MYL1: variants seen among roughly 807,000 people sequenced by gnomAD.
MYL1 encodes myosin light chain 1.
A neutral mutation model predicts 21.8 loss-of-function variants in MYL1; 16 were observed. That is an observed-to-expected ratio of 0.74 (90% confidence interval 0.50 to 1.12). The LOEUF is 1.12. Among genes scored for constraint, MYL1 ranks in the 50% most tolerant of loss-of-function variants. The probability of loss-of-function intolerance (pLI) is 0.00; values close to 1 mark genes in which losing one functional copy is unlikely to be tolerated. For synonymous variants in MYL1, 99 were observed against 85.2 expected, an observed-to-expected ratio of 1.16 and a Z score of -0.89; for missense variants, 246 against 241.0, an observed-to-expected ratio of 1.02 and a Z score of -0.14.
intron 3 of MYL1, among the ~76,000 whole-genome samples, chr2:210,296,523 C>T (rs1445607045): frequency 1.3e-5 from 2 of 152,088 alleles, no homozygotes; most frequent in African/African-American, 2.4e-5. Flanking sequence ...CAGTGGCTCA[C>T]GCTTATAAAC....
Position 210,293,706 on chromosome 2 carries a change from G to C in MYL1, c.556+17C>G, listed in dbSNP as rs774113072. 76 of 1,611,708 alleles carry C rather than the reference G, an allele frequency of 4.7e-5. No individual in the cohort carries two copies. Among genetic ancestry groups the C allele is most frequent in the Non-Finnish European group, 6.3e-5 (74 of 1,178,024 alleles). On this transcript the variant is annotated intron_variant, in intron 5 of 6. Coordinates refer to ENST00000352451, the MANE Select transcript of MYL1 (RefSeq NM_079420.3). ...CAGTTAAGAGTTGCTGTAACCACCA[G>C]TGAGCATTGATTCTACCTTCGTAGT... is the stretch of plus-strand genomic sequence containing the variant.
At chr2:210,292,100 G>T (rs1466943582) in intron 5 of MYL1, among the ~76,000 whole-genome samples, 1 of 152,088 alleles carries the variant, frequency 6.6e-6, no homozygotes, top group East Asian at 1.9e-4. Context: ...ATGGAGTCTT[G>T]CTCTGCCACC....
chr2:210,292,253 A>G (rs1271348574), intron 5 of MYL1, among the ~76,000 whole-genome samples: 2 of 152,108 alleles, frequency 1.3e-5, no homozygotes, highest in Non-Finnish European at 2.9e-5. Context: ...TTGTATTTTT[A>G]GTAGAGACAG....
intron 2 of MYL1, 54 bp downstream of exon 2, chr2:210,302,434 C>T (rs947465261): frequency 3.2e-6 from 5 of 1,543,816 alleles, no homozygotes; most frequent in African/African-American, 2.8e-5. Context: ...TTGGTTTTCA[C>T]ACATGCCATC....
At chr2:210,296,814 A>G (rs1470555313) in intron 3 of MYL1, among the ~76,000 whole-genome samples, 1 of 152,058 alleles carries the variant, frequency 6.6e-6, no homozygotes, top group Non-Finnish European at 1.5e-5. Flanking sequence ...TCCTGTCTCT[A>G]GAAAGCACTA....
chr2:210,297,968 T>A (rs1474926070), intron 3 of MYL1, among the ~76,000 whole-genome samples: 1 of 152,120 alleles, frequency 6.6e-6, no homozygotes, highest in Non-Finnish European at 1.5e-5. Context: ...TTATAAAGTG[T>A]TTTAAATCAT....
intron 1 of MYL1, chr2:210,302,875 C>G (rs1374906938): frequency 2.7e-6 from 4 of 1,476,374 alleles, no homozygotes; most frequent in Non-Finnish European, 3.7e-6. Context: ...GCTGGTTGCT[C>G]TGAGATTTTT....
chr2:210,298,453 C>A lies in MYL1; in HGVS notation c.271G>T (p.Val91Phe). 2 of 1,613,892 alleles carry A rather than the reference C, an allele frequency of 1.2e-6. No homozygotes were observed. The highest frequency in any genetic ancestry group is 4.5e-5 in the East Asian group (2 of 44,856). The change falls in exon 3 of 7, where the codon GTC becomes TTC. Residue 91 changes from valine (V) to phenylalanine (F), a missense_variant. Val to Phe is a conservative substitution (Grantham distance 50). Coordinates refer to ENST00000352451, the MANE Select transcript of MYL1 (RefSeq NM_079420.3). ...ALGTNPTNAE[V>F]RKVLGNPSNE... ...CTGGGGTTTCCCAGAACTTTCCTGA[C>A]CTCTGCATTGGTGGGATTTGTGCCC...
At chr2:210,291,459 G>T (rs1690074544) in intron 5 of MYL1, among the ~76,000 whole-genome samples, 1 of 152,106 alleles carries the variant, frequency 6.6e-6, no homozygotes, top group Non-Finnish European at 1.5e-5. Flanking sequence ...ACGTATGAAA[G>T]GGTATATAAC....
intron 1 of MYL1, among the ~76,000 whole-genome samples, chr2:210,308,395 GGCT>G (rs1690369766): frequency 1.7e-5 from 1 of 58,202 alleles, no homozygotes; most frequent in Non-Finnish European, 3.3e-5. Flanking sequence ...GATATACTTA[GGCT>G]AATATATATA....
chr2:210,314,910 C>G lies in MYL1; in HGVS notation c.132+1G>C. ...ACCAAACAGTTCATCCATTTAGTTA[C>G]CTTAATGGCAGAGAGGTCAATTTTT... On this transcript the variant is annotated splice_donor_variant, in intron 1 of 6. Coordinates refer to ENST00000352451, the MANE Select transcript of MYL1 (RefSeq NM_079420.3). LOFTEE classifies it high-confidence loss of function. The G allele has an allele frequency of 6.2e-7, 1 of 1,613,816 alleles. No individual in the cohort carries two copies. The highest frequency in any genetic ancestry group is 8.5e-7 in the Non-Finnish European group (1 of 1,179,794).
intron 6 of MYL1, among the ~76,000 whole-genome samples, 200 bp downstream of exon 6, chr2:210,290,832 A>T (rs1028708753): frequency 1.3e-5 from 2 of 152,136 alleles, no homozygotes; most frequent in Non-Finnish European, 2.9e-5. Context: ...CAAAAACCTC[A>T]TAGGTTTTTG....
chr2:210,304,018 G>T (rs1041898640), intron 1 of MYL1, among the ~76,000 whole-genome samples: 1 of 152,122 alleles, frequency 6.6e-6, no homozygotes. Context: ...GGATGGGACT[G>T]GTTTGGGGTT....
intron 1 of MYL1, among the ~76,000 whole-genome samples, chr2:210,306,338 G>A (rs893154747): frequency 3.4e-5 from 5 of 147,948 alleles, no homozygotes; most frequent in East Asian, 4.0e-4. Context: ...CTGAGATCGC[G>A]CCATTGTACC....
Position 210,302,909 on chromosome 2 carries a change from C to T in MYL1, c.133-394G>A, listed in dbSNP as rs888596056. 4 of 1,068,350 alleles carry T rather than the reference C, an allele frequency of 3.7e-6. No homozygotes were observed. The Admixed American group carries it at 7.7e-5, about 21-fold the overall frequency. 66.2% of individuals were successfully genotyped at this position (1,068,350 alleles called of 1,614,324 possible). On this transcript the variant is annotated intron_variant, in intron 1 of 6. Coordinates refer to ENST00000352451, the MANE Select transcript of MYL1 (RefSeq NM_079420.3). ...TTAGGAAGCTATGTAGGTGTCTTGG[C>T]ATTAGAAGGTTGCCTTAGGATACTT...
At chr2:210,296,909 T>G (rs958608798) in intron 3 of MYL1, among the ~76,000 whole-genome samples, 3 of 152,128 alleles carry the variant, frequency 2.0e-5, no homozygotes, top group East Asian at 3.9e-4. Context: ...CTGGCTCATT[T>G]TACTTAACAT....
chr2:210,290,597 A>C (rs76671123), intron 6 of MYL1, 130 bp from the exon 7 acceptor site: 1 of 152,666 alleles, frequency 6.6e-6, no homozygotes, highest in African/African-American at 2.4e-5. Context: ...AGATGAGCCA[A>C]TTCCTAGTTG....
intron 1 of MYL1, among the ~76,000 whole-genome samples, chr2:210,313,119 T>A (rs966474899): frequency 5.9e-5 from 9 of 152,146 alleles, no homozygotes; most frequent in Non-Finnish European, 1.0e-4. Context: ...ATCTCTCACC[T>A]GCCAAACAAT....
intron 5 of MYL1, among the ~76,000 whole-genome samples, chr2:210,291,796 A>AT (rs1690079883): frequency 6.6e-6 from 1 of 151,860 alleles, no homozygotes; most frequent in Non-Finnish European, 1.5e-5. Context: ...TGTTAAAAAA[A>AT]TTTGGCAGTT....
Sources: allele counts gnomAD v4.1 joint callset (sites outside exome capture counted in the v4.1 genomes callset), GRCh38; gene constraint gnomAD v4.1.1; transcripts MANE v1.5; gene names NCBI Gene and HGNC (gene_info 2026-07-23, HGNC 2026-07-21).